SLC20A2: variants seen among roughly 807,000 people sequenced by gnomAD.
The protein encoded by SLC20A2 is solute carrier family 20 member 2.
A neutral mutation model predicts 61.0 loss-of-function variants in SLC20A2; 30 were observed. That is an observed-to-expected ratio of 0.49 (90% CI 0.37 to 0.67). SLC20A2 has a LOEUF of 0.67. SLC20A2 is among the 30% of genes least tolerant of loss of function. The pLI is 0.00. For synonymous variants in SLC20A2, 351 were observed against 353.3 expected, an observed-to-expected ratio of 0.99 and a Z score of 0.07; for missense variants, 626 against 866.4, an observed-to-expected ratio of 0.72 and a Z score of 3.48.
At chr8:42,454,351 G>A (rs1805972486) in intron 5 of SLC20A2, among the ~76,000 whole-genome samples, 1 of 152,170 alleles carries the variant, frequency 6.6e-6, no homozygotes, top group Admixed American at 6.6e-5. Context: ...AGGAGAGGGA[G>A]GGACCAATGA....
At chr8:42,523,389 T>C (rs1307519789) in intron 1 of SLC20A2, among the ~76,000 whole-genome samples, 2 of 152,152 alleles carry the variant, frequency 1.3e-5, no homozygotes, top group African/African-American at 2.4e-5. Context: ...TTTAACAGTA[T>C]GTGAACAAAC....
chr8:42,464,588 A>T (rs889012879), intron 3 of SLC20A2, among the ~76,000 whole-genome samples: 2 of 152,140 alleles, frequency 1.3e-5, no homozygotes, highest in African/African-American at 2.4e-5. Context: ...GGAAGAACAG[A>T]GGGTGATTTC....
Position 42,417,985 on chromosome 8 carries a change from GC to G in SLC20A2, c.1795-19del, listed in dbSNP as rs1312964224. On this transcript the variant is annotated intron_variant, in intron 10 of 10. Transcript: ENST00000520262. ...GAGCCCACCTGTGGGAGCAGACATT[GC>G]AAAGTAAAAACAGGTGAGCCACAAA... is the stretch of plus-strand genomic sequence containing the variant. The G allele has an allele frequency of 4.3e-6, 7 of 1,609,726 alleles. No individual in the cohort carries two copies. The highest frequency in any genetic ancestry group is 1.8e-4 in the Middle Eastern group (1 of 5,512).
At chr8:42,507,363 G>A (rs1284753633) in intron 1 of SLC20A2, among the ~76,000 whole-genome samples, 1 of 149,144 alleles carries the variant, frequency 6.7e-6, no homozygotes, top group Non-Finnish European at 1.5e-5. Flanking sequence ...AGAAGAAACT[G>A]GTATCCTCTT....
At chr8:42,540,394 C>G (rs551694699) in intron 1 of SLC20A2, among the ~76,000 whole-genome samples, 17 of 152,270 alleles carry the variant, frequency 1.1e-4, no homozygotes, top group African/African-American at 4.1e-4. Context: ...ATAAAGCATG[C>G]ACACCATTTG....
chr8:42,435,328 A>G (rs1804166326), intron 8 of SLC20A2, among the ~76,000 whole-genome samples: 1 of 152,154 alleles, frequency 6.6e-6, no homozygotes, highest in African/African-American at 2.4e-5. Flanking sequence ...ACAGAAGACG[A>G]CAACGGCACA....
At chr8:42,430,334 C>T in intron 8 of SLC20A2, 85 bp from the exon 9 acceptor site, 2 of 1,022,966 alleles carry the variant, frequency 2.0e-6, no homozygotes, top group Non-Finnish European at 1.4e-6. Flanking sequence ...TATTGTGCTT[C>T]ACTTTATCAC....
intron 10 of SLC20A2, among the ~76,000 whole-genome samples, chr8:42,420,302 G>C (rs548652172): frequency 1.3e-5 from 2 of 151,788 alleles, no homozygotes; most frequent in Non-Finnish European, 2.9e-5. Flanking sequence ...CTGTGATATC[G>C]AATACACATT....
intron 2 of SLC20A2, among the ~76,000 whole-genome samples, chr8:42,466,213 C>CA: frequency 6.6e-6 from 1 of 152,262 alleles, no homozygotes; most frequent in East Asian, 1.9e-4. Context: ...TGGCTCACTG[C>CA]AACCTCTGCC....
chr8:42,457,049 G>A lies in SLC20A2; in HGVS notation c.613+2847C>T, dbSNP rs545472088. ...AGTGATTCTCCTGCCTCAGCCTCCC[G>A]GGTAGCTGGGATTACAGGTGCCCGC... On this transcript the variant is annotated intron_variant, in intron 5 of 10. Transcript: ENST00000520262. Among the ~76,000 whole-genome samples, 5 of 151,798 alleles carry A rather than the reference G, an allele frequency of 3.3e-5. No individual in the cohort carries two copies. In the South Asian group the frequency reaches 6.3e-4, roughly 19 times the overall value.
chr8:42,438,842 G>A (rs1451481589), intron 7 of SLC20A2, among the ~76,000 whole-genome samples: 3 of 152,094 alleles, frequency 2.0e-5, no homozygotes, highest in African/African-American at 7.2e-5. Flanking sequence ...TCAGCCTCCC[G>A]AGTAGCAGGG....
chr8:42,523,348 A>C (rs1318035993), intron 1 of SLC20A2, among the ~76,000 whole-genome samples: 1 of 151,618 alleles, frequency 6.6e-6, no homozygotes, highest in Non-Finnish European at 1.5e-5. Context: ...TAAATAAATA[A>C]ATAAAATAAA....
chr8:42,417,689 G>A lies in SLC20A2; in HGVS notation c.*114C>T, dbSNP rs532197928. 9.4e-6 allele frequency: 11 copies of A among 1,167,094 alleles called. No individual in the cohort carries two copies. Among genetic ancestry groups the A allele is most frequent in the East Asian group, 4.8e-5 (2 of 41,320 alleles). 72.3% of individuals were successfully genotyped at this position (1,167,094 alleles called of 1,614,324 possible). A position where few individuals can be genotyped will look rare whatever the true frequency, so the allele number is the denominator to read the frequency against. Reference sequence around the variant, plus strand: ...CTCCTGGAAGGGAGGCAGAGAGCTGGTCATGAGAGAGCCGTGCACGGCCAG... The same window carrying A: ...CTCCTGGAAGGGAGGCAGAGAGCTGATCATGAGAGAGCCGTGCACGGCCAG... On this transcript the variant is annotated 3_prime_UTR_variant, in exon 11 of 11. Transcript: ENST00000520262.
chr8:42,425,886 T>C (rs530857745), intron 10 of SLC20A2, among the ~76,000 whole-genome samples: 1 of 151,948 alleles, frequency 6.6e-6, no homozygotes, highest in South Asian at 2.1e-4. Context: ...ACTAAAAATA[T>C]AAAAAAGTAG....
At position 42,459,967 on chromosome 8, in the gene SLC20A2, C is replaced by T. The variant is rs140059610; in HGVS notation, c.542G>A (p.Arg181Gln). ...KKEDPVPNGL[R>Q]ALPVFYAATI... Reference sequence around the variant, plus strand: ...AGCAGCATAGAATACTGGGAGTGCCCGGAGGCCATTGGGAACAGGGTCTTC... The same window carrying T: ...AGCAGCATAGAATACTGGGAGTGCCTGGAGGCCATTGGGAACAGGGTCTTC... The change falls in exon 5 of 11, where the codon CGG becomes CAG. Residue 181 changes from arginine to glutamine, a missense_variant. Arg to Gln is a conservative substitution (Grantham distance 43, BLOSUM62 1). Transcript: ENST00000520262. 1.6e-4 allele frequency: 255 copies of T among 1,612,228 alleles called. No individual in the cohort carries two copies. Among genetic ancestry groups the T allele is most frequent in the Non-Finnish European group, 2.1e-4 (251 of 1,178,904 alleles).
chr8:42,459,005 G>A (rs1806464589), intron 5 of SLC20A2, among the ~76,000 whole-genome samples: 1 of 145,254 alleles, frequency 6.9e-6, no homozygotes, highest in African/African-American at 2.6e-5. Context: ...AGGCGCAGTG[G>A]CTCACGCCTG....
intron 1 of SLC20A2, chr8:42,541,713 G>GCCCCGCGT (rs1377912420): frequency 2.7e-5 from 4 of 149,064 alleles, no homozygotes; most frequent in Non-Finnish European, 6.0e-5. Flanking sequence ...AGCGTGAGTG[G>GCCCCGCGT]CCCCGCGTCC....
intron 1 of SLC20A2, among the ~76,000 whole-genome samples, chr8:42,526,135 G>C (rs752796075): frequency 1.3e-5 from 2 of 152,130 alleles, no homozygotes; most frequent in Non-Finnish European, 2.9e-5. Context: ...GGGCAAACAC[G>C]ACCCCAGCAG....
rs143893474 is a variant in SLC20A2 at position 42,475,741 on chromosome 8, A to G, written c.-264-3087T>C. Among the ~76,000 whole-genome samples, 597 of 151,648 alleles carry G rather than the reference A, an allele frequency of 3.9e-3. 3 individuals are homozygous for G. The highest frequency in any genetic ancestry group is 0.014 in the African/African-American group (578 of 41,334). On this transcript the variant is annotated intron_variant, in intron 1 of 10. Coordinates refer to ENST00000520262, the MANE Select transcript of SLC20A2 (RefSeq NM_001257180.2). The stretch of plus-strand genomic sequence containing the variant: ...AGATCCTTCTGGCTGCAGTGTGGCG[A>G]CCACATTGGATACAAGGCAAGCAGA...
Sources: gnomAD v4.1 joint callset for allele counts (sites outside exome capture counted in the v4.1 genomes callset) on GRCh38, gnomAD v4.1.1 for gene constraint, MANE v1.5 for transcripts, NCBI Gene and HGNC (gene_info 2026-07-23, HGNC 2026-07-21) for gene names.